Variants in WWOX observed in about 807,000 individuals in gnomAD.
WWOX encodes WW domain containing oxidoreductase, also known as WW domain-containing oxidoreductase.
A neutral mutation model predicts 46.2 loss-of-function variants in WWOX; 69 were observed. The observed-to-expected ratio is 1.49, with a 90% confidence interval of 1.23 to 1.82. The LOEUF (loss-of-function observed/expected upper bound fraction) is 1.82. WWOX is among the 40% of genes most tolerant of loss of function. WWOX has a pLI of 0.00. For synonymous variants in WWOX, 359 were observed against 202.6 expected (o/e 1.77, Z -6.56); for missense variants, 919 against 542.6 (o/e 1.69, Z -6.89).
chr16:79,010,962 G>C (rs988953919), intron 8 of WWOX, among the ~76,000 whole-genome samples: 1 of 152,076 alleles, frequency 6.6e-6, no homozygotes, highest in African/African-American at 2.4e-5. Flanking sequence ...GAGAGAAATA[G>C]GGAGGTTTGG....
At chr16:78,255,879 C>G (rs1027204280) in intron 5 of WWOX, among the ~76,000 whole-genome samples, 1 of 152,066 alleles carries the variant, frequency 6.6e-6, no homozygotes, top group Non-Finnish European at 1.5e-5. Flanking sequence ...CACAGTGGCT[C>G]GCGCCTGTAA....
intron 8 of WWOX, among the ~76,000 whole-genome samples, chr16:78,598,143 A>T (rs930404563): frequency 1.6e-4 from 25 of 152,322 alleles, no homozygotes; most frequent in African/African-American, 5.5e-4. Context: ...CTACAAGCTG[A>T]GGGAGAAATC....
chr16:78,468,574 C>T (rs887818858), intron 8 of WWOX, among the ~76,000 whole-genome samples: 3 of 152,188 alleles, frequency 2.0e-5, no homozygotes, highest in East Asian at 1.9e-4. Context: ...TTGATAGTTA[C>T]AGGGAGTGCT....
intron 8 of WWOX, among the ~76,000 whole-genome samples, chr16:78,625,966 C>G (rs1018800351): frequency 6.6e-6 from 1 of 150,890 alleles, no homozygotes; most frequent in African/African-American, 2.4e-5. Context: ...TTTGCCATTA[C>G]TTAAAAGTAA....
intron 8 of WWOX, among the ~76,000 whole-genome samples, chr16:78,485,447 A>G (rs1373135471): frequency 6.6e-6 from 1 of 152,192 alleles, no homozygotes; most frequent in Non-Finnish European, 1.5e-5. Flanking sequence ...CATAGGAACC[A>G]AACTCTCTTT....
chr16:78,814,242 A>G (rs556234578), intron 8 of WWOX, among the ~76,000 whole-genome samples: 145 of 152,272 alleles, frequency 9.5e-4, no homozygotes, highest in African/African-American at 3.4e-3. Context: ...TCTTACATCA[A>G]CAATTTTTCA....
At chr16:78,962,603 A>G (rs2046292040) in intron 8 of WWOX, among the ~76,000 whole-genome samples, 2 of 152,186 alleles carry the variant, frequency 1.3e-5, no homozygotes, top group Admixed American at 1.3e-4. Flanking sequence ...GCACAGGAAG[A>G]GGAGGGCATT....
intron 8 of WWOX, among the ~76,000 whole-genome samples, chr16:78,901,602 C>T (rs1356479119): frequency 2.0e-5 from 3 of 152,226 alleles, no homozygotes; most frequent in East Asian, 1.9e-4. Flanking sequence ...ATCCTCCCAC[C>T]TCAGCCTCCT....
chr16:79,197,431 T>A (rs2051262429), intron 8 of WWOX, among the ~76,000 whole-genome samples: 2 of 152,154 alleles, frequency 1.3e-5, no homozygotes, highest in African/African-American at 4.8e-5. Context: ...ACCATGGGAA[T>A]TGGCAGACAC....
chr16:78,750,184 T>G (rs2049442785), intron 8 of WWOX, among the ~76,000 whole-genome samples: 1 of 152,214 alleles, frequency 6.6e-6, no homozygotes. Flanking sequence ...ACAGTTCAGC[T>G]GCTGCCTTAT....
At chr16:78,406,718 C>T (rs376650470) in intron 6 of WWOX, among the ~76,000 whole-genome samples, 87 of 151,782 alleles carry the variant, frequency 5.7e-4, no homozygotes, top group Admixed American at 1.2e-3. Flanking sequence ...CCTCCTCCTC[C>T]GGGGTTCAAG....
At chr16:78,785,785 C>T (rs887909647) in intron 8 of WWOX, among the ~76,000 whole-genome samples, 10 of 151,854 alleles carry the variant, frequency 6.6e-5, no homozygotes, top group Admixed American at 2.6e-4. Context: ...ACTTATCCTT[C>T]TTTGCTGAAT....
At position 78,501,253 on chromosome 16, in the gene WWOX, T is replaced by TA. The variant is rs546816049; in HGVS notation, c.1056+68511dup. Reference sequence around the variant, plus strand: ...ACCTGCATGTTGTAAAAACACAAAATAAAAAAAAAATAAATAAAAGCAGAC... The same window carrying TA: ...ACCTGCATGTTGTAAAAACACAAAATAAAAAAAAAAATAAATAAAAGCAGAC... On this transcript the variant is annotated intron_variant, in intron 8 of 8. Coordinates refer to ENST00000566780, the MANE Select transcript of WWOX (RefSeq NM_016373.4). Among the ~76,000 whole-genome samples the TA allele has an allele frequency of 6.3e-3, 768 of 122,812 alleles. 7 individuals are homozygous for TA. Among genetic ancestry groups the TA allele is most frequent in the Middle Eastern group, 0.013 (2 of 160 alleles). 80.6% of individuals were successfully genotyped at this position (122,812 alleles called of 152,430 possible). A position where few individuals can be genotyped will look rare whatever the true frequency, so the allele number is the denominator to read the frequency against.
rs113833132 is a variant in WWOX, at chr16:78,540,359, A to G, written c.1056+107607A>G. Among the ~76,000 whole-genome samples, 43 of 152,220 alleles carry G rather than the reference A, an allele frequency of 2.8e-4. 1 individual carries two copies. Among genetic ancestry groups the G allele is most frequent in the African/African-American group, 1.0e-3 (42 of 41,526 alleles). On this transcript the variant is annotated intron_variant, in intron 8 of 8. Coordinates refer to ENST00000566780, the MANE Select transcript of WWOX (RefSeq NM_016373.4). ...CTGAGCTTTGGTTCTACACATTAGA[A>G]TTGTTGCCTGGGCCTGGATTTTTCC...
intron 8 of WWOX, among the ~76,000 whole-genome samples, chr16:78,861,226 G>A (rs1421351595): frequency 6.6e-6 from 1 of 152,056 alleles, no homozygotes; most frequent in African/African-American, 2.4e-5. Flanking sequence ...TAAAATAAAA[G>A]ACTGAGTAAG....
chr16:78,444,355 G>C (rs2083511361), intron 8 of WWOX, among the ~76,000 whole-genome samples: 1 of 151,824 alleles, frequency 6.6e-6, no homozygotes, highest in African/African-American at 2.4e-5. Flanking sequence ...CCATCCCTTG[G>C]GTTAATAGAA....
At chr16:78,753,854 ATGTATATG>A (rs1199723353) in intron 8 of WWOX, among the ~76,000 whole-genome samples, 17 of 82,818 alleles carry the variant, frequency 2.1e-4, no homozygotes, top group East Asian at 7.9e-4. Context: ...ATATATATAT[ATGTATATG>A]TATATGTATA....
intron 4 of WWOX, among the ~76,000 whole-genome samples, chr16:78,140,457 T>C (rs959239092): frequency 4.6e-5 from 7 of 152,172 alleles, no homozygotes; most frequent in African/African-American, 1.7e-4. Context: ...TTCTAGAGGC[T>C]AGAAGTCTGA....
At chr16:78,691,217 A>C in intron 8 of WWOX, 1 of 702,046 alleles carries the variant, frequency 1.4e-6, no homozygotes. Flanking sequence ...AATTTTAGCT[A>C]TGCTTCTCTT....
Sources: allele counts gnomAD v4.1 joint callset (sites outside exome capture counted in the v4.1 genomes callset), GRCh38; gene constraint gnomAD v4.1.1; transcripts MANE v1.5; gene names NCBI Gene and HGNC (gene_info 2026-07-23, HGNC 2026-07-21).